The following FAM13A variants were observed in gnomAD, a reference collection of about 807,000 sequenced individuals.
The protein encoded by FAM13A is protein FAM13A.
In FAM13A, 76 loss-of-function variants were observed where a neutral mutation model predicts 129.6. That is an observed-to-expected ratio of 0.59 (90% CI 0.49 to 0.71). The LOEUF is 0.71. Ranked by LOEUF, FAM13A falls within the 30% of genes least tolerant of loss-of-function variation. The pLI is 0.00. For synonymous variants in FAM13A, 443 were observed against 449.9 expected, an observed-to-expected ratio of 0.98 and a Z score of 0.20; for missense variants, 1,108 against 1,249.3, an observed-to-expected ratio of 0.89 and a Z score of 1.70.
intron 6 of FAM13A, among the ~76,000 whole-genome samples, chr4:88,880,726 T>TCA (rs1743378330): frequency 1.4e-5 from 2 of 138,764 alleles, no homozygotes; most frequent in Admixed American, 7.8e-5. Context: ...TTCTCAGCCC[T>TCA]GTTTAGCAGC....
intron 7 of FAM13A, among the ~76,000 whole-genome samples, chr4:88,845,011 G>C (rs1272826664): frequency 6.6e-6 from 1 of 152,198 alleles, no homozygotes; most frequent in Non-Finnish European, 1.5e-5. Flanking sequence ...ATCACATATA[G>C]AGTTAAGAGT....
chr4:88,939,433 C>T (rs1209960927), intron 4 of FAM13A, among the ~76,000 whole-genome samples: 5 of 152,176 alleles, frequency 3.3e-5, no homozygotes, highest in Non-Finnish European at 5.9e-5. Flanking sequence ...GTCCACTCCC[C>T]TATCCCTCAA....
intron 4 of FAM13A, among the ~76,000 whole-genome samples, chr4:88,945,690 T>C (rs962460327): frequency 1.3e-5 from 2 of 148,458 alleles, no homozygotes; most frequent in Non-Finnish European, 3.0e-5. Context: ...CTGTGAGAAA[T>C]GGGGAAGTTC....
At chr4:88,942,422 C>G (rs1754924653) in intron 4 of FAM13A, among the ~76,000 whole-genome samples, 1 of 151,802 alleles carries the variant, frequency 6.6e-6, no homozygotes, top group Admixed American at 6.6e-5. Context: ...CAAACATTAG[C>G]CGGGTGTGGT....
chr4:88,769,764 G>A lies in FAM13A; in HGVS notation c.1459-1705C>T, dbSNP rs568772555. On this transcript the variant is annotated intron_variant, in intron 11 of 23. Transcript: ENST00000264344. ...GGAGAATTGCTTGAACCTGGGAGGT[G>A]GAGGTTGCAGTGAGCCAAGATGCAC... Among the ~76,000 whole-genome samples the A allele has an allele frequency of 2.0e-5, 3 of 152,038 alleles. No homozygotes were observed. The South Asian group carries it at 6.2e-4, about 31-fold the overall frequency.
chr4:88,924,576 C>T (rs973479535), intron 5 of FAM13A, among the ~76,000 whole-genome samples: 41 of 152,260 alleles, frequency 2.7e-4, no homozygotes, highest in Admixed American at 1.5e-3. Flanking sequence ...AAGACTTAAA[C>T]TTTAGACCTA....
chr4:89,041,455 T>C (rs948752537), intron 1 of FAM13A, among the ~76,000 whole-genome samples: 11 of 152,212 alleles, frequency 7.2e-5, no homozygotes, highest in African/African-American at 2.7e-4. Context: ...ACCTGGATGA[T>C]GACTTTAAGC....
At chr4:88,927,520 A>T (rs1752404368) in intron 5 of FAM13A, among the ~76,000 whole-genome samples, 1 of 143,558 alleles carries the variant, frequency 7.0e-6, no homozygotes, top group Non-Finnish European at 1.5e-5. Flanking sequence ...TTTTTTTAAT[A>T]CTGATTCAAT....
At chr4:88,838,913 ACACTTACT>A (rs1735325873) in intron 7 of FAM13A, among the ~76,000 whole-genome samples, 9 of 152,158 alleles carry the variant, frequency 5.9e-5, no homozygotes, top group Non-Finnish European at 1.5e-5. Context: ...TAGTGAGATT[ACACTTACT>A]TCTACTATTG....
At chr4:88,828,278 C>A (rs1441394874) in intron 7 of FAM13A, among the ~76,000 whole-genome samples, 4 of 151,924 alleles carry the variant, frequency 2.6e-5, no homozygotes, top group Non-Finnish European at 5.9e-5. Flanking sequence ...GTAGCTGAGA[C>A]CACAGGCGCA....
intron 4 of FAM13A, among the ~76,000 whole-genome samples, chr4:88,947,467 C>T (rs1321144382): frequency 6.6e-6 from 1 of 152,070 alleles, no homozygotes; most frequent in Non-Finnish European, 1.5e-5. Flanking sequence ...TTCCACATAA[C>T]TAAAACCAAG....
intron 1 of FAM13A, among the ~76,000 whole-genome samples, chr4:89,039,255 G>T (rs1769795055): frequency 6.6e-6 from 1 of 152,156 alleles, no homozygotes; most frequent in Admixed American, 6.5e-5. Flanking sequence ...GGAAAGACTG[G>T]TTCTAGATTT....
intron 4 of FAM13A, among the ~76,000 whole-genome samples, chr4:88,963,600 T>C (rs1214258097): frequency 2.6e-5 from 4 of 152,112 alleles, no homozygotes; most frequent in Non-Finnish European, 5.9e-5. Context: ...ACCCAGCCCA[T>C]TTGAAATCTT....
At chr4:88,965,266 T>C (rs1341872797) in intron 4 of FAM13A, among the ~76,000 whole-genome samples, 3 of 152,214 alleles carry the variant, frequency 2.0e-5, no homozygotes, top group Non-Finnish European at 2.9e-5. Flanking sequence ...ACTCATGAAC[T>C]ATATAAGGTG....
intron 6 of FAM13A, among the ~76,000 whole-genome samples, chr4:88,888,489 A>G (rs2150152631): frequency 6.6e-6 from 1 of 152,270 alleles, no homozygotes; most frequent in South Asian, 2.1e-4. Context: ...TCAAAAGTCA[A>G]TTTTTACATT....
At chr4:88,950,566 T>G (rs778718373) in intron 4 of FAM13A, among the ~76,000 whole-genome samples, 1 of 152,196 alleles carries the variant, frequency 6.6e-6, no homozygotes, top group Non-Finnish European at 1.5e-5. Context: ...AAGCCATCAA[T>G]AGTATAGAAG....
intron 4 of FAM13A, among the ~76,000 whole-genome samples, chr4:88,957,542 T>C (rs1387789154): frequency 6.6e-6 from 1 of 152,162 alleles, no homozygotes; most frequent in African/African-American, 2.4e-5. Flanking sequence ...AAGAACAGCC[T>C]AACATAGAAA....
intron 6 of FAM13A, among the ~76,000 whole-genome samples, chr4:88,868,813 G>C (rs1465480618): frequency 2.0e-5 from 3 of 152,158 alleles, no homozygotes; most frequent in African/African-American, 7.2e-5. Context: ...CTCAGGCATA[G>C]CAGTAATCAC....
chr4:88,938,287 C>T, intron 4 of FAM13A, 46 bp from the exon 5 acceptor site: 2 of 1,472,870 alleles, frequency 1.4e-6, no homozygotes, highest in Non-Finnish European at 1.9e-6. Flanking sequence ...GTAAACACAA[C>T]AGTGCCTGCT....
Sources: allele counts gnomAD v4.1 joint callset (sites outside exome capture counted in the v4.1 genomes callset), GRCh38; gene constraint gnomAD v4.1.1; transcripts MANE v1.5; gene names NCBI Gene and HGNC (gene_info 2026-07-23, HGNC 2026-07-21).